The following AGO3 variants were observed in gnomAD, a reference collection of about 807,000 sequenced individuals.
The protein encoded by AGO3 is protein argonaute-3.
In AGO3, 16 loss-of-function variants were observed where a neutral mutation model predicts 105.5. That is an observed-to-expected ratio of 0.15 (90% CI 0.10 to 0.23). The LOEUF is 0.23. Ranked by LOEUF, AGO3 falls within the 10% of genes least tolerant of loss-of-function variation. The pLI, the probability that AGO3 is intolerant of heterozygous loss-of-function variation, is 1.00. For synonymous variants in AGO3, 340 were observed against 367.3 expected (o/e 0.93, Z 0.85); for missense variants, 534 against 1,088.0 (o/e 0.49, Z 7.16).
In AGO3 at chr1:36,056,123, A is replaced by C; in HGVS notation, c.*378A>C. 1 of 159,830 alleles carries C rather than the reference A, an allele frequency of 6.3e-6. No homozygotes were observed. Among genetic ancestry groups the C allele is most frequent in the Non-Finnish European group, 1.4e-5 (1 of 72,624 alleles). The allele number at this position is 159,830 out of a possible 1,614,324, so 9.9% of individuals were successfully genotyped here. ...GATGGTTTAAAAAATACACACCTTC[A>C]TGAATAATCAAAGTGATTTTTCAGA... On this transcript the variant is annotated 3_prime_UTR_variant, in exon 19 of 19. Coordinates refer to ENST00000373191, the MANE Select transcript of AGO3 (RefSeq NM_024852.4).
chr1:35,974,537 T>G (rs1646923272), intron 5 of AGO3, among the ~76,000 whole-genome samples: 1 of 152,212 alleles, frequency 6.6e-6, no homozygotes, highest in Admixed American at 6.5e-5. Context: ...TTCAAAATGC[T>G]TAAGTGCTTT....
chr1:35,986,347 A>G (rs1403363761), intron 5 of AGO3, among the ~76,000 whole-genome samples: 1 of 152,262 alleles, frequency 6.6e-6, no homozygotes, highest in African/African-American at 2.4e-5. Flanking sequence ...GTACTACATA[A>G]CAGTTAAATA....
chr1:35,997,818 T>G (rs746928862), intron 5 of AGO3, among the ~76,000 whole-genome samples: 1 of 152,122 alleles, frequency 6.6e-6, no homozygotes, highest in African/African-American at 2.4e-5. Flanking sequence ...TGCCTCAGCC[T>G]CCCGAGTATC....
In AGO3 at chr1:36,063,473, A is replaced by G. The variant is rs1643048959; in HGVS notation, c.*7728A>G. On this transcript the variant is annotated 3_prime_UTR_variant, in exon 19 of 19. Transcript: ENST00000373191. ...CTGGAAAACAAATAGCAAATGATTC[A>G]AAATTCATTGAATTGACTTTGAAAT... 6.6e-6 allele frequency: 1 copy of G among 152,190 alleles called. No individual in the cohort carries two copies. The highest frequency in any genetic ancestry group is 1.9e-4 in the East Asian group (1 of 5,204). 9.4% of individuals were successfully genotyped at this position (152,190 alleles called of 1,614,324 possible). A position where few individuals can be genotyped will look rare whatever the true frequency, so the allele number is the denominator to read the frequency against.
chr1:36,030,207 A>G (rs1641707973), intron 12 of AGO3, among the ~76,000 whole-genome samples: 1 of 152,188 alleles, frequency 6.6e-6, no homozygotes, highest in South Asian at 2.1e-4. Flanking sequence ...ATTCATAGTT[A>G]AAGAAAAATA....
In AGO3 at chr1:36,027,796, G is replaced by A. The variant is rs772247543; in HGVS notation, c.1591+498G>A. ...TCCGTCTCAAAAAAAAAAAAAAAGG[G>A]TTTCAGTAGTGAAAAGAGGCATTAC... On this transcript the variant is annotated intron_variant, in intron 12 of 18. Coordinates refer to ENST00000373191, the MANE Select transcript of AGO3 (RefSeq NM_024852.4). This position sits in a 1 kb window ranked among gnomAD's most constrained non-coding sequence, Gnocchi z 4.0. Among the ~76,000 whole-genome samples the A allele has an allele frequency of 8.6e-5, 13 of 151,730 alleles. No homozygotes were observed. The highest frequency in any genetic ancestry group is 1.3e-4 in the Non-Finnish European group (9 of 67,924).
At chr1:36,013,816 T>C (rs1293403826) in intron 10 of AGO3, 64 bp downstream of exon 10, 1 of 1,601,570 alleles carries the variant, frequency 6.2e-7, no homozygotes, top group Non-Finnish European at 8.5e-7. Context: ...GAGAAAGGCA[T>C]ATCAGAAATA....
intron 2 of AGO3, among the ~76,000 whole-genome samples, chr1:35,947,981 C>T (rs1487053263): frequency 6.6e-6 from 1 of 152,056 alleles, no homozygotes; most frequent in Non-Finnish European, 1.5e-5. Context: ...TACTTAAGCC[C>T]AGGAGTTAAG....
intron 3 of AGO3, among the ~76,000 whole-genome samples, chr1:35,970,144 G>C (rs1646839565): frequency 6.6e-6 from 1 of 152,158 alleles, no homozygotes; most frequent in Admixed American, 6.5e-5. Flanking sequence ...ATGCAATTTT[G>C]AAATGAAAAT....
rs141902948 is a variant in AGO3, at chr1:35,963,020, C to T, written c.192-3935C>T. Among the ~76,000 whole-genome samples the T allele has an allele frequency of 3.5e-3, 536 of 152,208 alleles. 5 individuals carry two copies. Among genetic ancestry groups the T allele is most frequent in the African/African-American group, 0.012 (478 of 41,532 alleles). ...TGGATAATGCCACATATTGGCTGGA[C>T]GCAGGGAAATAGGAGCCTCAAGGAG... is the stretch of plus-strand genomic sequence containing the variant. On this transcript the variant is annotated intron_variant, in intron 2 of 18. Transcript: ENST00000373191.
intron 5 of AGO3, among the ~76,000 whole-genome samples, chr1:35,979,894 T>C (rs1241858522): frequency 6.6e-6 from 1 of 152,154 alleles, no homozygotes; most frequent in Admixed American, 6.5e-5. Context: ...TTTTTCTGTT[T>C]GGTGGATGAA....
Position 36,070,144 on chromosome 1 carries a change from A to C in AGO3, c.*14399A>C, listed in dbSNP as rs1008361518. ...TCAGGCACTTTTGCTACATGTTAGC[A>C]TCAGAGGCTATTGTACAACTAGATG... On this transcript the variant is annotated 3_prime_UTR_variant, in exon 19 of 19. Coordinates refer to ENST00000373191, the MANE Select transcript of AGO3 (RefSeq NM_024852.4). 1.3e-5 allele frequency: 2 copies of C among 152,212 alleles called. No homozygotes were observed. The highest frequency in any genetic ancestry group is 2.9e-5 in the Non-Finnish European group (2 of 68,034). The allele number at this position is 152,212 out of a possible 1,614,324, so 9.4% of individuals were successfully genotyped here.
In AGO3 at chr1:35,964,532, G is replaced by A. The variant is rs1312872111; in HGVS notation, c.192-2423G>A. Among the ~76,000 whole-genome samples the A allele has an allele frequency of 5.9e-5, 9 of 152,230 alleles. No homozygotes were observed. In the East Asian group the frequency reaches 1.5e-3, roughly 26 times the overall value. On this transcript the variant is annotated intron_variant, in intron 2 of 18. Transcript: ENST00000373191. ...TTCTTTATCCAGTGTACCATTGATGGGCATTTAGGTTGATTCCATGTCTTT... is the reference window on the plus strand; with the variant it reads ...TTCTTTATCCAGTGTACCATTGATGAGCATTTAGGTTGATTCCATGTCTTT...
intron 11 of AGO3, among the ~76,000 whole-genome samples, chr1:36,018,085 A>G (rs1171557173): frequency 2.0e-5 from 3 of 151,348 alleles, no homozygotes; most frequent in Admixed American, 6.6e-5. Context: ...GGATCAAACA[A>G]TTGTCCTGCC....
chr1:35,945,181 T>C (rs1362090490), intron 1 of AGO3, among the ~76,000 whole-genome samples: 1 of 151,670 alleles, frequency 6.6e-6, no homozygotes, highest in African/African-American at 2.4e-5. Context: ...TTATTACATA[T>C]TGCTTCTTAT....
chr1:36,029,379 TTC>T (rs143474235), intron 12 of AGO3, among the ~76,000 whole-genome samples: 12 of 151,360 alleles, frequency 7.9e-5, no homozygotes, highest in Non-Finnish European at 1.3e-4. Context: ...ACATTAAATT[TTC>T]TCTTTCTTTC....
At chr1:36,043,035 G>A (rs1642314069) in intron 16 of AGO3, among the ~76,000 whole-genome samples, 1 of 152,170 alleles carries the variant, frequency 6.6e-6, no homozygotes, top group Non-Finnish European at 1.5e-5. Context: ...TGTTGATCTT[G>A]TCAGCATTCT....
intron 12 of AGO3, among the ~76,000 whole-genome samples, chr1:36,032,530 T>C (rs1419352806): frequency 6.6e-6 from 1 of 152,142 alleles, no homozygotes; most frequent in East Asian, 1.9e-4. Flanking sequence ...TAAAAGCACA[T>C]ACCATCATGC....
At chr1:35,944,181 G>A (rs1430737303) in intron 1 of AGO3, among the ~76,000 whole-genome samples, 1 of 151,882 alleles carries the variant, frequency 6.6e-6, no homozygotes, top group Non-Finnish European at 1.5e-5. Context: ...TTCAAAGTGA[G>A]TGTACCATTT....
Sources: gnomAD v4.1 joint callset for allele counts (sites outside exome capture counted in the v4.1 genomes callset) on GRCh38, gnomAD v4.1.1 for gene constraint, Gnocchi (gnomAD v3.1) non-coding constraint, MANE v1.5 for transcripts, NCBI Gene and HGNC (gene_info 2026-07-23, HGNC 2026-07-21) for gene names.